Variants in ANKS1B observed in about 807,000 individuals in gnomAD.
ANKS1B encodes the protein ankyrin repeat and sterile alpha motif domain-containing protein 1B.
In ANKS1B, 36 loss-of-function variants were observed where a neutral mutation model predicts 148.3. The observed-to-expected ratio is 0.24, with a 90% CI of 0.19 to 0.32. The LOEUF is 0.32. Ranked by LOEUF, ANKS1B falls within the 10% of genes least tolerant of loss-of-function variation. The pLI, the probability that ANKS1B is intolerant of heterozygous loss-of-function variation, is 1.00. For synonymous variants in ANKS1B, 542 were observed against 560.8 expected (o/e 0.97, Z 0.47); for missense variants, 1,157 against 1,542.6 (o/e 0.75, Z 4.19).
intron 2 of ANKS1B, among the ~76,000 whole-genome samples, chr12:99,814,092 T>C (rs2068783725): frequency 1.3e-5 from 2 of 151,744 alleles, no homozygotes; most frequent in South Asian, 4.1e-4. Flanking sequence ...TGCAGGCATG[T>C]AACTCGGGAG....
chr12:98,894,931 C>G, intron 17 of ANKS1B: 1 of 903,128 alleles, frequency 1.1e-6, no homozygotes, highest in Non-Finnish European at 1.3e-6. Context: ...TGCCCCCCAC[C>G]CCCCGCCGCG....
At chr12:99,862,506 C>G (rs778743326) in intron 1 of ANKS1B, among the ~76,000 whole-genome samples, 2 of 152,172 alleles carry the variant, frequency 1.3e-5, no homozygotes, top group Non-Finnish European at 2.9e-5. Context: ...TAACAGTATG[C>G]TATTATTCTA....
intron 17 of ANKS1B, among the ~76,000 whole-genome samples, chr12:99,042,726 C>T (rs2099959875): frequency 6.6e-6 from 1 of 152,150 alleles, no homozygotes; most frequent in East Asian, 1.9e-4. Flanking sequence ...CTTATTGAAT[C>T]CTGACAACAA....
chr12:98,998,083 T>C, intron 17 of ANKS1B, among the ~76,000 whole-genome samples: 1 of 152,208 alleles, frequency 6.6e-6, no homozygotes, highest in Non-Finnish European at 1.5e-5. Flanking sequence ...TTGTGCCACT[T>C]TTCCAATGTG....
intron 1 of ANKS1B, among the ~76,000 whole-genome samples, chr12:99,976,348 A>AT (rs1185611143): frequency 6.6e-6 from 1 of 152,002 alleles, no homozygotes; most frequent in Non-Finnish European, 1.5e-5. Context: ...TCTGTTGAAA[A>AT]TTTTTTTTAA....
chr12:99,638,795 T>C (rs2098269745), intron 9 of ANKS1B, among the ~76,000 whole-genome samples: 2 of 152,064 alleles, frequency 1.3e-5, no homozygotes, highest in African/African-American at 4.8e-5. Flanking sequence ...GGAGGGAAAA[T>C]ACGGTTTCCT....
At chr12:98,809,253 G>A (rs2099075325) in intron 19 of ANKS1B, among the ~76,000 whole-genome samples, 2 of 152,164 alleles carry the variant, frequency 1.3e-5, no homozygotes, top group Admixed American at 6.5e-5. Context: ...TCCATAGAGG[G>A]TTCTTCCTCT....
chr12:99,380,801 C>CTTCCTTCCTTCCT (rs1400135048), intron 12 of ANKS1B, among the ~76,000 whole-genome samples: 1 of 103,074 alleles, frequency 9.7e-6, no homozygotes, highest in African/African-American at 5.0e-5. Context: ...TCCTTCCTTC[C>CTTCCTTCCTTCCT]TTTCTCATGC....
intron 12 of ANKS1B, among the ~76,000 whole-genome samples, chr12:99,301,084 A>G (rs564209305): frequency 6.6e-5 from 10 of 152,270 alleles, no homozygotes; most frequent in African/African-American, 2.4e-4. Context: ...AAGGCCCAAG[A>G]ACCAGGAGCT....
intron 14 of ANKS1B, among the ~76,000 whole-genome samples, chr12:99,234,750 C>T (rs1307991628): frequency 6.7e-6 from 1 of 149,834 alleles, no homozygotes; most frequent in East Asian, 1.9e-4. Flanking sequence ...GATTTGAATT[C>T]ATGTCTGTCT....
intron 9 of ANKS1B, among the ~76,000 whole-genome samples, chr12:99,557,423 G>C (rs1465872966): frequency 6.6e-6 from 1 of 152,098 alleles, no homozygotes; most frequent in Non-Finnish European, 1.5e-5. Context: ...TGAGCTCTGA[G>C]AGTCTTTCCT....
At chr12:99,963,794 T>A (rs893804395) in intron 1 of ANKS1B, among the ~76,000 whole-genome samples, 1 of 152,250 alleles carries the variant, frequency 6.6e-6, no homozygotes, top group Non-Finnish European at 1.5e-5. Context: ...ATGTGCCATA[T>A]TTTATAATAT....
intron 25 of ANKS1B, among the ~76,000 whole-genome samples, chr12:98,762,492 C>T (rs1438791291): frequency 6.6e-6 from 1 of 152,220 alleles, no homozygotes; most frequent in Non-Finnish European, 1.5e-5. Flanking sequence ...TGCCCTTCAT[C>T]TCAGAAAACA....
intron 8 of ANKS1B, among the ~76,000 whole-genome samples, chr12:99,698,967 T>C (rs2054356413): frequency 7.0e-6 from 1 of 142,860 alleles, no homozygotes; most frequent in Admixed American, 7.0e-5. Flanking sequence ...TCTGTGTGTG[T>C]GTGTGGGTGT....
At position 99,911,274 on chromosome 12, in the gene ANKS1B, G is replaced by A. The variant is rs985232079; in HGVS notation, c.134+72830C>T. 4.6e-5 allele frequency among the ~76,000 whole-genome samples: 7 copies of A among 152,152 alleles called. No individual in the cohort carries two copies. In the East Asian group the frequency reaches 1.2e-3, roughly 25 times the overall value. ...CTTTTGCAGACAGGCATCTAACAGAGTAGGAAAAATCCCAGAACCAAAAGC... is the reference window on the plus strand; with the variant it reads ...CTTTTGCAGACAGGCATCTAACAGAATAGGAAAAATCCCAGAACCAAAAGC... On this transcript the variant is annotated intron_variant, in intron 1 of 26. Coordinates refer to ENST00000683438, the MANE Select transcript of ANKS1B (RefSeq NM_001352186.2).
chr12:98,958,929 A>C (rs1021152920), intron 17 of ANKS1B, among the ~76,000 whole-genome samples: 14 of 152,188 alleles, frequency 9.2e-5, no homozygotes, highest in African/African-American at 3.4e-4. Context: ...TTGATTATGA[A>C]GCTTTATTAG....
chr12:99,876,092 A>T (rs993961913), intron 1 of ANKS1B, among the ~76,000 whole-genome samples: 3 of 152,174 alleles, frequency 2.0e-5, no homozygotes, highest in African/African-American at 7.2e-5. Flanking sequence ...GGAAAAGCAA[A>T]GCCAGACCTG....
intron 22 of ANKS1B, among the ~76,000 whole-genome samples, chr12:98,797,631 G>A (rs1006725816): frequency 2.6e-5 from 4 of 152,070 alleles, no homozygotes; most frequent in Non-Finnish European, 5.9e-5. Flanking sequence ...GTCTAACTCT[G>A]CATTAAATAG....
At chr12:99,565,477 G>A (rs1286360956) in intron 9 of ANKS1B, among the ~76,000 whole-genome samples, 1 of 152,140 alleles carries the variant, frequency 6.6e-6, no homozygotes, top group Admixed American at 6.6e-5. Flanking sequence ...AAGTAAAAAG[G>A]AGTCACAGGG....
Sources: gnomAD v4.1 joint callset for allele counts (sites outside exome capture counted in the v4.1 genomes callset) on GRCh38, gnomAD v4.1.1 for gene constraint, MANE v1.5 for transcripts, NCBI Gene and HGNC (gene_info 2026-07-23, HGNC 2026-07-21) for gene names.